SERGEF: variants seen among roughly 807,000 people sequenced by gnomAD.
SERGEF encodes the protein secretion regulating guanine nucleotide exchange factor, also known as secretion-regulating guanine nucleotide exchange factor.
A neutral mutation model predicts 50.0 loss-of-function variants in SERGEF; 51 were observed. The ratio of observed to expected loss-of-function variants is 1.02; its 90% CI spans 0.81 to 1.29. The LOEUF (loss-of-function observed/expected upper bound fraction) is 1.29. SERGEF is among the 50% of genes most tolerant of loss of function. SERGEF has a pLI of 0.00. For synonymous variants in SERGEF, 205 were observed against 212.4 expected (o/e 0.97, Z 0.30); for missense variants, 521 against 557.0 (o/e 0.94, Z 0.65).
intron 10 of SERGEF, among the ~76,000 whole-genome samples, chr11:17,840,721 C>T (rs1298599258): frequency 6.6e-6 from 1 of 152,152 alleles, no homozygotes; most frequent in Non-Finnish European, 1.5e-5. Flanking sequence ...ACCCCCTGAA[C>T]TCAAGGACAG....
At chr11:18,001,768 T>C (rs1408157836) in intron 4 of SERGEF, among the ~76,000 whole-genome samples, 1 of 152,258 alleles carries the variant, frequency 6.6e-6, no homozygotes, top group African/African-American at 2.4e-5. Flanking sequence ...TCAAATTCCC[T>C]TCCCCTCCTG....
chr11:17,830,649 G>GGAGAGAGAGAGGGGGGGA (rs1850285675), intron 10 of SERGEF, among the ~76,000 whole-genome samples: 1 of 77,726 alleles, frequency 1.3e-5, no homozygotes, highest in African/African-American at 5.8e-5. Flanking sequence ...GGAGAGGGAG[G>GGAGAGAGAGAGGGGGGGA]GAGAGAGAGA....
intron 10 of SERGEF, among the ~76,000 whole-genome samples, chr11:17,838,919 C>G (rs1324592629): frequency 6.6e-6 from 1 of 152,190 alleles, no homozygotes; most frequent in African/African-American, 2.4e-5. Context: ...ATTTGAAAAA[C>G]AGCCCTGCCA....
intron 9 of SERGEF, among the ~76,000 whole-genome samples, chr11:17,935,688 C>A (rs1391176112): frequency 6.6e-6 from 1 of 152,150 alleles, no homozygotes; most frequent in African/African-American, 2.4e-5. Flanking sequence ...AATTCAGGAA[C>A]CATTCATTCA....
chr11:17,916,822 G>A (rs924477377), intron 9 of SERGEF, among the ~76,000 whole-genome samples: 1 of 152,166 alleles, frequency 6.6e-6, no homozygotes, highest in Non-Finnish European at 1.5e-5. Context: ...TCATTTATCT[G>A]TTTTTTCTTA....
chr11:17,816,874 C>T (rs188662472), intron 10 of SERGEF, among the ~76,000 whole-genome samples: 52 of 152,304 alleles, frequency 3.4e-4, no homozygotes, highest in Middle Eastern at 3.4e-3. Flanking sequence ...TGGTGACAGA[C>T]AAATGACTTC....
chr11:17,825,148 T>C (rs1850168149), intron 10 of SERGEF, among the ~76,000 whole-genome samples: 1 of 152,204 alleles, frequency 6.6e-6, no homozygotes, highest in African/African-American at 2.4e-5. Context: ...GAGCATCTAC[T>C]ATACGCCAGA....
At position 17,845,757 on chromosome 11, in the gene SERGEF, C is replaced by A. The variant is rs561007980; in HGVS notation, c.1048+32451G>T. Among the ~76,000 whole-genome samples the A allele has an allele frequency of 1.9e-4, 29 of 152,250 alleles. No homozygotes were observed. The South Asian group carries it at 5.6e-3, about 29-fold the overall frequency. On this transcript the variant is annotated intron_variant, in intron 10 of 10. Coordinates refer to ENST00000265965, the MANE Select transcript of SERGEF (RefSeq NM_012139.4). Reference sequence around the variant, plus strand: ...AAATCTTAGAGCTAAAAGAGATTGACCAATACAATTCTCTCTTTTCTACTC... The same window carrying A: ...AAATCTTAGAGCTAAAAGAGATTGAACAATACAATTCTCTCTTTTCTACTC...
intron 4 of SERGEF, chr11:18,000,911 A>G (rs998465119): frequency 2.4e-5 from 11 of 453,480 alleles, no homozygotes; most frequent in African/African-American, 1.6e-4. Flanking sequence ...CCATTGTAAC[A>G]TAAAAGCAGC....
rs984258069 is a variant in SERGEF at position 17,944,846 on chromosome 11, T to C, written c.1011+14624A>G. 2.6e-5 allele frequency among the ~76,000 whole-genome samples: 4 copies of C among 152,234 alleles called. No homozygotes were observed. The East Asian group carries it at 7.7e-4, about 29-fold the overall frequency. ...TTTCCAAATATCTACTTCATTATTA[T>C]AATTAAGATGATACCGACACAGAAT... On this transcript the variant is annotated intron_variant, in intron 9 of 10. Coordinates refer to ENST00000265965, the MANE Select transcript of SERGEF (RefSeq NM_012139.4).
intron 3 of SERGEF, among the ~76,000 whole-genome samples, chr11:18,006,256 T>G (rs1467191565): frequency 1.3e-5 from 2 of 152,198 alleles, no homozygotes; most frequent in African/African-American, 2.4e-5. Flanking sequence ...CCTCCCAGGA[T>G]CAAGTGATTC....
chr11:17,899,568 C>T (rs909094220), intron 9 of SERGEF, among the ~76,000 whole-genome samples: 2 of 152,142 alleles, frequency 1.3e-5, no homozygotes, highest in African/African-American at 4.8e-5. Context: ...GCATCTCTAG[C>T]AGCAACAACA....
At chr11:17,836,401 T>C (rs960629223) in intron 10 of SERGEF, among the ~76,000 whole-genome samples, 1 of 152,206 alleles carries the variant, frequency 6.6e-6, no homozygotes, top group African/African-American at 2.4e-5. Flanking sequence ...CATACTTTCA[T>C]GCCTCCTTCA....
At chr11:17,868,436 T>C (rs1243146386) in intron 10 of SERGEF, among the ~76,000 whole-genome samples, 1 of 152,204 alleles carries the variant, frequency 6.6e-6, no homozygotes, top group African/African-American at 2.4e-5. Context: ...CTGGATTCCA[T>C]TGTCCATATC....
chr11:17,933,830 T>C (rs927224432), intron 9 of SERGEF, among the ~76,000 whole-genome samples: 2 of 152,120 alleles, frequency 1.3e-5, no homozygotes, highest in Non-Finnish European at 2.9e-5. Flanking sequence ...TCAAAATAAG[T>C]GTCTTTGGAA....
intron 10 of SERGEF, among the ~76,000 whole-genome samples, chr11:17,865,876 C>A (rs1851012933): frequency 6.6e-6 from 1 of 152,134 alleles, no homozygotes; most frequent in Non-Finnish European, 1.5e-5. Context: ...ATAAAGGCTA[C>A]AGTAGTATAT....
intron 8 of SERGEF, among the ~76,000 whole-genome samples, chr11:17,965,780 C>T (rs1456802511): frequency 6.6e-6 from 1 of 152,224 alleles, no homozygotes; most frequent in African/African-American, 2.4e-5. Context: ...ACCTCCCTAC[C>T]TATCAACCTA....
In SERGEF at chr11:17,818,264, A is replaced by G. The variant is rs547942394; in HGVS notation, c.1049-29851T>C. Among the ~76,000 whole-genome samples, 6 of 152,130 alleles carry G rather than the reference A, an allele frequency of 3.9e-5. No individual in the cohort carries two copies. The South Asian group carries it at 6.2e-4, about 16-fold the overall frequency. ...CCTCTGAGCCACACTACCTGGGGGG[A>G]TTTAGGCAAGTTTCTTAATCTCTAA... On this transcript the variant is annotated intron_variant, in intron 10 of 10. Coordinates refer to ENST00000265965, the MANE Select transcript of SERGEF (RefSeq NM_012139.4).
chr11:17,864,104 G>T (rs1163053261), intron 10 of SERGEF, among the ~76,000 whole-genome samples: 1 of 152,184 alleles, frequency 6.6e-6, no homozygotes, highest in Non-Finnish European at 1.5e-5. Flanking sequence ...CTAATTTTTT[G>T]TATTTTCCTC....
Sources: allele counts gnomAD v4.1 joint callset (sites outside exome capture counted in the v4.1 genomes callset), GRCh38; gene constraint gnomAD v4.1.1; transcripts MANE v1.5; gene names NCBI Gene and HGNC (gene_info 2026-07-23, HGNC 2026-07-21).